R3HDM2: variants seen among roughly 807,000 people sequenced by gnomAD.
The protein encoded by R3HDM2 is R3H domain-containing protein 2.
Under a neutral mutation model 124.5 loss-of-function variants are expected in R3HDM2, and 38 were observed. The ratio of observed to expected loss-of-function variants is 0.31; its 90% CI spans 0.24 to 0.40. The LOEUF (loss-of-function observed/expected upper bound fraction) is 0.40. Among genes scored for constraint, R3HDM2 ranks in the 10% least tolerant of loss-of-function variants. R3HDM2 has a pLI of 1.00. For synonymous variants in R3HDM2, 391 were observed against 448.0 expected, an observed-to-expected ratio of 0.87 and a Z score of 1.61; for missense variants, 869 against 1,236.9, an observed-to-expected ratio of 0.70 and a Z score of 4.46.
chr12:57,280,655 C>A, intron 13 of R3HDM2, 125 bp from the exon 14 acceptor site: 1 of 831,852 alleles, frequency 1.2e-6, no homozygotes. Flanking sequence ...TTGTCCCCTC[C>A]CCCACTGTCT....
At chr12:57,422,106 A>G (rs2070275383) in intron 1 of R3HDM2, among the ~76,000 whole-genome samples, 2 of 151,680 alleles carry the variant, frequency 1.3e-5, no homozygotes, top group Admixed American at 1.3e-4. Flanking sequence ...AAAAAAAAAA[A>G]AAAAAAAAAA....
intron 2 of R3HDM2, among the ~76,000 whole-genome samples, chr12:57,324,119 A>T (rs1318145710): frequency 6.6e-6 from 1 of 152,232 alleles, no homozygotes; most frequent in Non-Finnish European, 1.5e-5. Flanking sequence ...CCAGGCAACT[A>T]CATCTATCCT....
chr12:57,345,684 G>A (rs1008923506), intron 2 of R3HDM2, among the ~76,000 whole-genome samples: 2 of 152,010 alleles, frequency 1.3e-5, no homozygotes, highest in African/African-American at 4.8e-5. Flanking sequence ...GGGACTACAG[G>A]CATGTGCCCC....
rs146004182 is a variant in R3HDM2, at chr12:57,399,471, T to C, written c.-105-3653A>G. Among the ~76,000 whole-genome samples the C allele has an allele frequency of 1.3e-4, 20 of 152,326 alleles. No homozygotes were observed. In the East Asian group the frequency reaches 3.3e-3, roughly 25 times the overall value. On this transcript the variant is annotated intron_variant, in intron 1 of 23. Transcript: ENST00000402412. ...CACCAGAAAAACAGACACTTTGTCCTAGCCTTCTAATCAGCTGTATTTAGC... is the reference window on the plus strand; with the variant it reads ...CACCAGAAAAACAGACACTTTGTCCCAGCCTTCTAATCAGCTGTATTTAGC...
chr12:57,362,997 A>T (rs541635860), intron 2 of R3HDM2, among the ~76,000 whole-genome samples: 25 of 151,814 alleles, frequency 1.6e-4, no homozygotes, highest in African/African-American at 6.0e-4. Flanking sequence ...GTTTTTTTGT[A>T]TTTTTATTAG....
chr12:57,270,006 G>A lies in R3HDM2; in HGVS notation c.1345-12C>T, dbSNP rs758327537. The A allele has an allele frequency of 6.2e-7, 1 of 1,614,082 alleles. No homozygotes were observed. The highest frequency in any genetic ancestry group is 8.5e-7 in the Non-Finnish European group (1 of 1,179,954). On this transcript the variant is annotated splice_polypyrimidine_tract_variant and intron_variant, in intron 14 of 23. Coordinates refer to ENST00000402412, the MANE Select transcript of R3HDM2 (RefSeq NM_001394031.1). ...CTGAGGTCATCTGCCTGTTGAGAGA[G>A]TATAAGACACAGGATTGGGGCTGTA... is the stretch of plus-strand genomic sequence containing the variant.
At chr12:57,370,292 G>A (rs1041537172) in intron 2 of R3HDM2, among the ~76,000 whole-genome samples, 3 of 151,782 alleles carry the variant, frequency 2.0e-5, no homozygotes, top group Non-Finnish European at 2.9e-5. Context: ...CACCATGACA[G>A]TAAGTTTCCT....
At chr12:57,382,531 G>A (rs1202436199) in intron 2 of R3HDM2, among the ~76,000 whole-genome samples, 2 of 125,316 alleles carry the variant, frequency 1.6e-5, no homozygotes, top group Non-Finnish European at 3.2e-5. Context: ...AAAGGCGTGA[G>A]CCCAGCCTAC....
rs570929507 is a variant in R3HDM2 at position 57,258,756 on chromosome 12, A to G, written c.2301+134T>C. ...GGTTCCTTAAAAGAGGATGCTGTCT[A>G]CTTCCTGTGTTTCTCCCCAGAAAGT... On this transcript the variant is annotated intron_variant, in intron 20 of 23. Coordinates refer to ENST00000402412, the MANE Select transcript of R3HDM2 (RefSeq NM_001394031.1). The G allele has an allele frequency of 2.9e-5, 24 of 816,122 alleles. No homozygotes were observed. In the African/African-American group the frequency reaches 4.1e-4, roughly 14 times the overall value. 50.6% of individuals were successfully genotyped at this position (816,122 alleles called of 1,614,324 possible). A position where few individuals can be genotyped will look rare whatever the true frequency, so the allele number is the denominator to read the frequency against.
intron 2 of R3HDM2, among the ~76,000 whole-genome samples, chr12:57,311,052 A>G (rs1267968555): frequency 6.6e-6 from 1 of 152,128 alleles, no homozygotes; most frequent in East Asian, 1.9e-4. Context: ...TCCAGAAAGA[A>G]GAAAATTATA....
At chr12:57,297,294 A>G (rs1306869264) in intron 8 of R3HDM2, 34 bp downstream of exon 8, 1 of 1,178,096 alleles carries the variant, frequency 8.5e-7, no homozygotes. Context: ...GCCCCCTCCC[A>G]CCTCTAATTA....
At chr12:57,281,861 A>C (rs965008514) in intron 13 of R3HDM2, among the ~76,000 whole-genome samples, 1 of 152,210 alleles carries the variant, frequency 6.6e-6, no homozygotes, top group Admixed American at 6.5e-5. Context: ...GGAATACATC[A>C]GTGATATCGA....
At position 57,255,127 on chromosome 12, in the gene R3HDM2, A is replaced by AGAGAG; in HGVS notation, c.2633-19_2633-15dup. 3.8e-6 allele frequency: 6 copies of AGAGAG among 1,563,356 alleles called. No homozygotes were observed. The highest frequency in any genetic ancestry group is 5.2e-6 in the Non-Finnish European group (6 of 1,153,420). On this transcript the variant is annotated splice_polypyrimidine_tract_variant and intron_variant, in intron 23 of 23. Transcript: ENST00000402412. ...CCCGCCCCAGGACTGGAAGGGGAGG[A>AGAGAG]GAGAGGACATGGTTGTGAGAGGAAT...
chr12:57,324,763 TAAG>T (rs928459291), intron 2 of R3HDM2, among the ~76,000 whole-genome samples: 8 of 152,148 alleles, frequency 5.3e-5, no homozygotes, highest in Non-Finnish European at 8.8e-5. Flanking sequence ...CCATGAGATA[TAAG>T]AAGTAGTGTT....
In R3HDM2 at chr12:57,285,450, T is replaced by A. The variant is rs200632925; in HGVS notation, c.939-1394A>T. Among the ~76,000 whole-genome samples, 1,042 of 151,180 alleles carry A rather than the reference T, an allele frequency of 6.9e-3. 19 individuals carry two copies. The East Asian group carries it at 0.076, about 11-fold the overall frequency. ...CCAAGACTGAGAGAGAGAGAGAGTG[T>A]GTGTGTGTGTGTGTGTGTGTGTGTA... On this transcript the variant is annotated intron_variant, in intron 12 of 23. Transcript: ENST00000402412.
At chr12:57,286,358 T>A (rs1372511351) in intron 12 of R3HDM2, among the ~76,000 whole-genome samples, 1 of 152,136 alleles carries the variant, frequency 6.6e-6, no homozygotes, top group African/African-American at 2.4e-5. Context: ...GGAGCTGCCA[T>A]AGTTATTGTC....
chr12:57,379,385 A>G (rs2064534314), intron 2 of R3HDM2, among the ~76,000 whole-genome samples: 1 of 152,120 alleles, frequency 6.6e-6, no homozygotes, highest in Non-Finnish European at 1.5e-5. Context: ...GTTTGAGACC[A>G]GTCTGACCAA....
intron 2 of R3HDM2, among the ~76,000 whole-genome samples, chr12:57,385,280 T>C (rs1411422317): frequency 6.7e-6 from 1 of 148,716 alleles, no homozygotes; most frequent in Non-Finnish European, 1.5e-5. Flanking sequence ...TCTCACTCTG[T>C]CGCCCAGGCT....
Position 57,254,545 on chromosome 12 carries a change from T to C in R3HDM2, c.*228A>G. The C allele has an allele frequency of 4.8e-6, 2 of 418,924 alleles. No homozygotes were observed. The highest frequency in any genetic ancestry group is 8.1e-6 in the Non-Finnish European group (2 of 246,758). The allele number at this position is 418,924 out of a possible 1,614,324, so 26.0% of individuals were successfully genotyped here. A position where few individuals can be genotyped will look rare whatever the true frequency, so the allele number is the denominator to read the frequency against. On this transcript the variant is annotated 3_prime_UTR_variant, in exon 24 of 24. Transcript: ENST00000402412. Reference sequence around the variant, plus strand: ...AAAAAGAAGAGGATGGGAAGAAGAGTGATGCAAGGGGGGTCAACCAGGGAA... The same window carrying C: ...AAAAAGAAGAGGATGGGAAGAAGAGCGATGCAAGGGGGGTCAACCAGGGAA...
Sources: allele counts gnomAD v4.1 joint callset (sites outside exome capture counted in the v4.1 genomes callset), GRCh38; gene constraint gnomAD v4.1.1; transcripts MANE v1.5; gene names NCBI Gene and HGNC (gene_info 2026-07-23, HGNC 2026-07-21).